Variants in COL23A1 observed in about 807,000 individuals in gnomAD.
The protein encoded by COL23A1 is collagen alpha-1(XXIII) chain.
A neutral mutation model predicts 99.3 loss-of-function variants in COL23A1; 97 were observed. That is an observed-to-expected ratio of 0.98 (90% CI 0.83 to 1.16). The LOEUF (loss-of-function observed/expected upper bound fraction) is 1.16, where lower values mean the gene tolerates loss of function less well. Ranked by LOEUF, COL23A1 falls within the 50% of genes most tolerant of loss-of-function variation. COL23A1 has a pLI of 0.00. For missense variants in COL23A1, 762 were observed against 757.4 expected, an observed-to-expected ratio of 1.01 and a Z score of -0.07; for synonymous variants, 320 against 308.2, an observed-to-expected ratio of 1.04 and a Z score of -0.40.
intron 17 of COL23A1, among the ~76,000 whole-genome samples, chr5:178,252,074 C>T (rs186567782): frequency 5.9e-5 from 9 of 151,962 alleles, no homozygotes; most frequent in Admixed American, 2.6e-4. Context: ...CCACCACGCC[C>T]GGCTAATTTT....
At chr5:178,302,432 G>A (rs1363072184) in intron 3 of COL23A1, among the ~76,000 whole-genome samples, 17 of 101,346 alleles carry the variant, frequency 1.7e-4, no homozygotes, top group Admixed American at 3.9e-4. Flanking sequence ...GCCGGAGCAC[G>A]GCTTCAATCC....
rs1465335452 is a variant in COL23A1 at position 178,310,273 on chromosome 5, G to C, written c.362-3354C>G. ...AGACTGGATTGCAGGAGCCGCAGGAGTGGGGGCAGGACGGACGGCCTCTCC... is the reference window on the plus strand; with the variant it reads ...AGACTGGATTGCAGGAGCCGCAGGACTGGGGGCAGGACGGACGGCCTCTCC... On this transcript the variant is annotated intron_variant, in intron 2 of 28. Coordinates refer to ENST00000390654, the MANE Select transcript of COL23A1 (RefSeq NM_173465.4). The surrounding 1 kb of genome is among the most constrained non-coding windows in gnomAD (Gnocchi z 4.3). Among the ~76,000 whole-genome samples, 1 of 152,212 alleles carries C rather than the reference G, an allele frequency of 6.6e-6. No individual in the cohort carries two copies. The highest frequency in any genetic ancestry group is 1.5e-5 in the Non-Finnish European group (1 of 68,046).
intron 2 of COL23A1, chr5:178,344,971 G>A (rs1760880157): frequency 1.7e-6 from 1 of 596,558 alleles, no homozygotes; most frequent in Non-Finnish European, 3.2e-6. Context: ...AGACAGAAGA[G>A]GTGAAAAAGG....
At chr5:178,417,358 C>T (rs1218065712) in intron 2 of COL23A1, among the ~76,000 whole-genome samples, 1 of 152,226 alleles carries the variant, frequency 6.6e-6, no homozygotes, top group Admixed American at 6.5e-5. Context: ...TGCCTTCAGA[C>T]TGACGCCAAG....
At chr5:178,473,552 A>G (rs10073177) in intron 2 of COL23A1, among the ~76,000 whole-genome samples, 5,979 of 150,462 alleles carry the variant, frequency 0.04, 440 homozygotes, top group African/African-American at 0.14. Context: ...GGGCTCAAGC[A>G]AACCACCCAC....
intron 5 of COL23A1, among the ~76,000 whole-genome samples, chr5:178,273,555 G>A (rs1179792763): frequency 2.0e-5 from 3 of 152,204 alleles, no homozygotes; most frequent in Non-Finnish European, 4.4e-5. Flanking sequence ...CAGTGCTCCC[G>A]GGAGCCCCCA....
intron 2 of COL23A1, among the ~76,000 whole-genome samples, chr5:178,558,051 C>A (rs902432935): frequency 6.6e-6 from 1 of 150,834 alleles, no homozygotes; most frequent in South Asian, 2.1e-4. Context: ...GATCAGGGCT[C>A]CCCAGGGAGC....
At position 178,263,287 on chromosome 5, in the gene COL23A1, CCCGGAGGCCCAGCAGCT is replaced by C. The variant is rs1220975964; in HGVS notation, c.543_559del (p.Ala183ProfsTer48). The C allele has an allele frequency of 1.9e-6, 3 of 1,608,958 alleles. No individual in the cohort carries two copies. In the South Asian group the frequency reaches 3.3e-5, roughly 18 times the overall value. Reference sequence around the variant, plus strand: ...CCGGGCCCCAGGAGGTCCAGGGGGCCCCGGAGGCCCAGCAGCTCCATCTTGTCCTTGGTCTCCCTGAA... The same window carrying C: ...CCGGGCCCCAGGAGGTCCAGGGGGCCCCATCTTGTCCTTGGTCTCCCTGAA... On this transcript the variant is annotated frameshift_variant, in exon 9 of 29. Coordinates refer to ENST00000390654, the MANE Select transcript of COL23A1 (RefSeq NM_173465.4). LOFTEE classifies it high-confidence loss of function.
chr5:178,467,538 G>A (rs1420031897), intron 2 of COL23A1, among the ~76,000 whole-genome samples: 2 of 152,158 alleles, frequency 1.3e-5, no homozygotes, highest in Non-Finnish European at 2.9e-5. Context: ...TTAGGGGGCG[G>A]TAGTCGGAGG....
intron 1 of COL23A1, among the ~76,000 whole-genome samples, chr5:178,582,647 G>A (rs1763723891): frequency 6.6e-6 from 1 of 152,122 alleles, no homozygotes. Context: ...CTCATCTAGA[G>A]CCTTCCCCTC....
In COL23A1 at chr5:178,399,310, G is replaced by GC. The variant is rs1463724097; in HGVS notation, c.362-92392dup. On this transcript the variant is annotated intron_variant, in intron 2 of 28. Coordinates refer to ENST00000390654, the MANE Select transcript of COL23A1 (RefSeq NM_173465.4). ...GAGAGAGTCAGGAGTCAAAGGGAGG[G>GC]CCCCTGGGAGGGAGAGGGAGGAAAA... Among the ~76,000 whole-genome samples the GC allele has an allele frequency of 3.9e-5, 6 of 152,310 alleles. No homozygotes were observed. In the East Asian group the frequency reaches 1.2e-3, roughly 29 times the overall value.
chr5:178,408,974 ATACACACACACACAC>A (rs1377314111), intron 2 of COL23A1, among the ~76,000 whole-genome samples: 8 of 56,074 alleles, frequency 1.4e-4, no homozygotes, highest in African/African-American at 4.0e-4. Flanking sequence ...AAAAAAAAAA[ATACACACACACACAC>A]ACACACACAC....
In COL23A1 at chr5:178,298,047, C is replaced by T. The variant is rs12659988; in HGVS notation, c.407-7678G>A. 5.3e-4 allele frequency among the ~76,000 whole-genome samples: 80 copies of T among 152,284 alleles called. 1 individual carries two copies. The East Asian group carries it at 0.014, about 26-fold the overall frequency. On this transcript the variant is annotated intron_variant, in intron 3 of 28. Transcript: ENST00000390654. ...TCCAGGTGACCATATGGTGGTGTCC[C>T]GAGGTCCAGCCCTTCTGCGCACGGC...
chr5:178,539,625 ATG>A (rs1761183858), intron 2 of COL23A1, among the ~76,000 whole-genome samples: 1 of 152,056 alleles, frequency 6.6e-6, no homozygotes, highest in Admixed American at 6.5e-5. Context: ...CTATTAAAAC[ATG>A]TGACTTAATT....
chr5:178,263,180 C>A (rs765850898), intron 9 of COL23A1, 28 bp downstream of exon 9: 89 of 1,529,886 alleles, frequency 5.8e-5, no homozygotes, highest in Non-Finnish European at 7.8e-5. Context: ...TCAAGTCCTG[C>A]GTGGCCCAAC....
At chr5:178,545,680 C>G (rs186150941) in intron 2 of COL23A1, among the ~76,000 whole-genome samples, 1 of 152,048 alleles carries the variant, frequency 6.6e-6, no homozygotes, top group African/African-American at 2.4e-5. Context: ...CCAAGTGAAC[C>G]GAGGGTCTAA....
At chr5:178,401,885 G>A (rs532641183) in intron 2 of COL23A1, among the ~76,000 whole-genome samples, 3 of 152,082 alleles carry the variant, frequency 2.0e-5, no homozygotes, top group East Asian at 3.9e-4. Context: ...GCGCAATCTC[G>A]GCTCACTGCA....
intron 2 of COL23A1, among the ~76,000 whole-genome samples, chr5:178,358,483 A>G (rs1372001078): frequency 1.5e-5 from 2 of 134,466 alleles, no homozygotes; most frequent in East Asian, 2.2e-4. Context: ...GTATGCGTAT[A>G]TATGTGTGTG....
chr5:178,302,016 T>C (rs571358814), intron 3 of COL23A1, among the ~76,000 whole-genome samples: 53 of 40,204 alleles, frequency 1.3e-3, no homozygotes, highest in Non-Finnish European at 3.0e-3. Context: ...GGAGCACAGC[T>C]TCAATCCACC....
Sources: allele counts gnomAD v4.1 joint callset (sites outside exome capture counted in the v4.1 genomes callset), GRCh38; gene constraint gnomAD v4.1.1; non-coding constraint Gnocchi (gnomAD v3.1); transcripts MANE v1.5; gene names NCBI Gene and HGNC (gene_info 2026-07-23, HGNC 2026-07-21).